Variants in CTNNA2 observed in about 807,000 individuals in gnomAD.
The protein encoded by CTNNA2 is catenin alpha 2.
CTNNA2 carries 42 observed loss-of-function variants against 101.0 expected under a neutral mutation model. That is an observed-to-expected ratio of 0.42 (90% CI 0.32 to 0.54). The LOEUF (loss-of-function observed/expected upper bound fraction) is 0.54. Among genes scored for constraint, CTNNA2 ranks in the 20% least tolerant of loss-of-function variants. The pLI is 0.14. For synonymous variants in CTNNA2, 450 were observed against 456.4 expected (o/e 0.99, Z 0.18); for missense variants, 871 against 1,223.1 (o/e 0.71, Z 4.29).
intron 7 of CTNNA2, among the ~76,000 whole-genome samples, chr2:80,250,200 A>AGTGTGTGT (rs1671654037): frequency 7.0e-6 from 1 of 142,380 alleles, no homozygotes; most frequent in Admixed American, 6.8e-5. Flanking sequence ...AGAGAGAGAG[A>AGTGTGTGT]GAGAGTGTGT....
chr2:79,452,728 C>T (rs1322135056), intron 4 of CTNNA2, among the ~76,000 whole-genome samples: 2 of 152,012 alleles, frequency 1.3e-5, no homozygotes, highest in Admixed American at 1.3e-4. Context: ...TTTCAAACAT[C>T]TGAAGGGCAG....
chr2:79,914,443 A>G (rs570653483), intron 7 of CTNNA2, among the ~76,000 whole-genome samples: 2 of 152,362 alleles, frequency 1.3e-5, no homozygotes, highest in Admixed American at 1.3e-4. Context: ...GAAATTCATT[A>G]AACTGTTACT....
chr2:80,304,789 C>T (rs1224482389), intron 7 of CTNNA2: 1 of 152,440 alleles, frequency 6.6e-6, no homozygotes, highest in Non-Finnish European at 1.5e-5. Context: ...CCCCGAGCAC[C>T]TCAGACATGG....
chr2:80,340,577 A>T lies in CTNNA2; in HGVS notation c.1057-52634A>T, dbSNP rs142371473. On this transcript the variant is annotated intron_variant, in intron 7 of 18. Coordinates refer to ENST00000402739, the MANE Select transcript of CTNNA2 (RefSeq NM_001282597.3). Reference sequence around the variant, plus strand: ...AGGCTAGTTGAATGTACCAGGTGACATACAGCCCTTTAGCCATACAATGAT... The same window carrying T: ...AGGCTAGTTGAATGTACCAGGTGACTTACAGCCCTTTAGCCATACAATGAT... 4.9e-4 allele frequency among the ~76,000 whole-genome samples: 74 copies of T among 152,328 alleles called. 2 individuals are homozygous for T. The East Asian group carries it at 0.013, about 26-fold the overall frequency.
intron 7 of CTNNA2, among the ~76,000 whole-genome samples, chr2:80,211,504 T>G (rs1181803667): frequency 6.6e-6 from 1 of 152,188 alleles, no homozygotes; most frequent in Non-Finnish European, 1.5e-5. Flanking sequence ...TTTTGTCAGG[T>G]TTGTCAAAGA....
intron 2 of CTNNA2, among the ~76,000 whole-genome samples, chr2:79,221,445 G>A (rs1243409659): frequency 2.6e-5 from 4 of 152,156 alleles, no homozygotes; most frequent in Non-Finnish European, 5.9e-5. Context: ...CACTGCAGCT[G>A]GCAAAAATAT....
At chr2:79,793,888 G>GTACA (rs1553469158) in intron 3 of CTNNA2, among the ~76,000 whole-genome samples, 2 of 142,624 alleles carry the variant, frequency 1.4e-5, no homozygotes, top group Admixed American at 7.0e-5. Flanking sequence ...ACACACTCAT[G>GTACA]CACACACACA....
intron 3 of CTNNA2, among the ~76,000 whole-genome samples, chr2:79,821,484 C>T (rs1179221734): frequency 6.6e-6 from 1 of 152,180 alleles, no homozygotes; most frequent in Non-Finnish European, 1.5e-5. Context: ...TTTAGGATTA[C>T]AGGCATGAGC....
intron 2 of CTNNA2, among the ~76,000 whole-genome samples, chr2:79,689,979 C>A (rs1378331067): frequency 6.6e-6 from 1 of 151,720 alleles, no homozygotes; most frequent in Non-Finnish European, 1.5e-5. Flanking sequence ...TTAAAAATAT[C>A]TTGCATATAC....
At chr2:79,556,674 T>C (rs1257923520) in intron 1 of CTNNA2, among the ~76,000 whole-genome samples, 3 of 152,030 alleles carry the variant, frequency 2.0e-5, no homozygotes, top group Non-Finnish European at 4.4e-5. Context: ...ACACCTTTTG[T>C]CTTCTTATAT....
intron 7 of CTNNA2, chr2:80,313,775 GA>G: frequency 1.4e-6 from 1 of 717,314 alleles, no homozygotes; most frequent in Non-Finnish European, 2.3e-6. Context: ...TGACTCCCTT[GA>G]ACATGAATGG....
intron 3 of CTNNA2, among the ~76,000 whole-genome samples, chr2:79,318,007 TC>T (rs1676534980): frequency 6.6e-6 from 1 of 152,056 alleles, no homozygotes; most frequent in African/African-American, 2.4e-5. Context: ...CAAAAATATT[TC>T]TTGGTCACCT....
At chr2:79,517,838 T>C (rs954934219) in intron 1 of CTNNA2, among the ~76,000 whole-genome samples, 1 of 152,172 alleles carries the variant, frequency 6.6e-6, no homozygotes, top group Non-Finnish European at 1.5e-5. Flanking sequence ...TATTTTTCCT[T>C]TTATTAATAG....
intron 7 of CTNNA2, among the ~76,000 whole-genome samples, chr2:80,251,036 CTGT>C (rs1375040699): frequency 1.3e-5 from 2 of 152,110 alleles, no homozygotes; most frequent in Non-Finnish European, 2.9e-5. Context: ...CTGAATATTG[CTGT>C]TGTTATCTGT....
At chr2:79,242,705 C>T (rs1363593860) in intron 2 of CTNNA2, among the ~76,000 whole-genome samples, 5 of 152,044 alleles carry the variant, frequency 3.3e-5, no homozygotes, top group African/African-American at 1.2e-4. Context: ...TGGTGGCTCA[C>T]GCCTATAATC....
chr2:79,478,848 A>G (rs1671079535), intron 4 of CTNNA2, among the ~76,000 whole-genome samples: 1 of 152,146 alleles, frequency 6.6e-6, no homozygotes. Flanking sequence ...AAATAGTCAT[A>G]CATCCTTTGC....
intron 9 of CTNNA2, among the ~76,000 whole-genome samples, chr2:80,520,017 G>A (rs1689406677): frequency 6.6e-6 from 1 of 152,064 alleles, no homozygotes; most frequent in South Asian, 2.1e-4. Context: ...ATCCACTGTT[G>A]CTTAGAAGCC....
chr2:79,521,590 C>T (rs1050367251), intron 1 of CTNNA2, among the ~76,000 whole-genome samples: 3 of 152,034 alleles, frequency 2.0e-5, no homozygotes, highest in South Asian at 4.1e-4. Context: ...TTAGCCTTCA[C>T]TGGGTGGAGG....
At chr2:80,093,097 C>T (rs7557271) in intron 7 of CTNNA2, among the ~76,000 whole-genome samples, 1,600 of 151,556 alleles carry the variant, frequency 0.011, 24 homozygotes, top group African/African-American at 0.035. Flanking sequence ...GTTGGTGTGC[C>T]GCACCCATTA....
Sources: allele counts gnomAD v4.1 joint callset (sites outside exome capture counted in the v4.1 genomes callset), GRCh38; gene constraint gnomAD v4.1.1; transcripts MANE v1.5; gene names NCBI Gene and HGNC (gene_info 2026-07-23, HGNC 2026-07-21).